Variants in UTRN observed in about 807,000 individuals in gnomAD.
UTRN encodes the protein utrophin, also known as dystrophin-related protein 1.
In UTRN, 283 loss-of-function variants were observed where a neutral mutation model predicts 463.9. The observed-to-expected ratio is 0.61, with a 90% CI of 0.55 to 0.67. UTRN has a LOEUF of 0.67. Ranked by LOEUF, UTRN falls within the 30% of genes least tolerant of loss-of-function variation. The pLI is 0.00. For synonymous variants in UTRN, 1,442 were observed against 1,431.5 expected (o/e 1.01, Z -0.17); for missense variants, 3,922 against 4,084.3 (o/e 0.96, Z 1.08).
chr6:144,695,009 A>T (rs1175899415), intron 52 of UTRN, among the ~76,000 whole-genome samples: 1 of 147,548 alleles, frequency 6.8e-6, no homozygotes. Flanking sequence ...TATCTGATTG[A>T]TACTCTTTAT....
rs1788288996 is a variant in UTRN at position 144,451,414 on chromosome 6, G to C, written c.2117G>C (p.Trp706Ser). The change falls in exon 18 of 75, where the codon TGG becomes TCG. Residue 706 changes from tryptophan to serine, a missense_variant. By Grantham distance (177) the Trp-to-Ser change is radical. Around this residue, in one of 3 missense-constraint regions of UTRN, gnomAD observed 2,349 missense variants for 2,303.8 expected, o/e 1.02. Coordinates refer to ENST00000367545, the MANE Select transcript of UTRN (RefSeq NM_007124.3). Reference sequence around the variant, plus strand: ...GAGCTGTTGAACTGGATTTTGAAATGGAAAACTGCCATTCAGACCACAGAG... The same window carrying C: ...GAGCTGTTGAACTGGATTTTGAAATCGAAAACTGCCATTCAGACCACAGAG... ...SAELLNWILK[W>S]KTAIQTTEIK... The C allele has an allele frequency of 1.2e-6, 2 of 1,613,206 alleles. No individual in the cohort carries two copies. Among genetic ancestry groups the C allele is most frequent in the Non-Finnish European group, 8.5e-7 (1 of 1,179,812 alleles).
At position 144,611,297 on chromosome 6, in the gene UTRN, G is replaced by T. The variant is rs569809267; in HGVS notation, c.7479+34009G>T. On this transcript the variant is annotated intron_variant, in intron 51 of 74. Transcript: ENST00000367545. ...AAAAAGTTGAAAGCTTTTCCTCTAA[G>T]ATCAGGGGCAAGGCAGGGATGCCCA... 3.2e-4 allele frequency among the ~76,000 whole-genome samples: 49 copies of T among 152,282 alleles called. 2 individuals carry two copies. The South Asian group carries it at 9.1e-3, about 28-fold the overall frequency.
intron 51 of UTRN, among the ~76,000 whole-genome samples, 195 bp from the exon 52 acceptor site, chr6:144,678,211 A>G (rs1246932229): frequency 6.6e-6 from 1 of 152,196 alleles, no homozygotes; most frequent in African/African-American, 2.4e-5. Flanking sequence ...GACAATCCTA[A>G]GCAAAAAGAA....
chr6:144,401,816 C>T (rs999287299), intron 2 of UTRN, among the ~76,000 whole-genome samples: 3 of 152,098 alleles, frequency 2.0e-5, no homozygotes, highest in African/African-American at 4.8e-5. Flanking sequence ...AGCAGAGGTT[C>T]GTGAGCAGGT....
chr6:144,293,427 A>G (rs1804421086), intron 2 of UTRN, among the ~76,000 whole-genome samples: 1 of 152,168 alleles, frequency 6.6e-6, no homozygotes, highest in Non-Finnish European at 1.5e-5. Context: ...TTAATTTAAA[A>G]TTATCTTTTA....
chr6:144,778,609 T>C (rs904339659), intron 60 of UTRN, among the ~76,000 whole-genome samples: 2 of 149,492 alleles, frequency 1.3e-5, no homozygotes, highest in Non-Finnish European at 3.0e-5. Context: ...GAAATGCTAA[T>C]AATAATAATA....
intron 53 of UTRN, among the ~76,000 whole-genome samples, chr6:144,701,481 T>C (rs1784589408): frequency 6.6e-6 from 1 of 152,234 alleles, no homozygotes; most frequent in South Asian, 2.1e-4. Context: ...CCAAAAGATA[T>C]GCTGAAATGT....
intron 2 of UTRN, among the ~76,000 whole-genome samples, chr6:144,397,625 C>CT (rs1782559968): frequency 1.3e-5 from 2 of 150,920 alleles, no homozygotes; most frequent in East Asian, 3.9e-4. Context: ...TAAACATGTT[C>CT]TTTTTTGTGA....
chr6:144,400,450 G>A (rs1049399155), intron 2 of UTRN, among the ~76,000 whole-genome samples: 4 of 152,052 alleles, frequency 2.6e-5, no homozygotes, highest in African/African-American at 2.4e-5. Flanking sequence ...CTATTTTTAC[G>A]TGCCCGAGAT....
At position 144,835,983 on chromosome 6, in the gene UTRN, T is replaced by C. The variant is rs774260761; in HGVS notation, c.9824+45T>C. ...AGGAAATATGTCATCCTTTCTTTTG[T>C]ATGAATTTCACTGTAGCCCCCATTT... On this transcript the variant is annotated intron_variant, in intron 70 of 74. Transcript: ENST00000367545. 3.5e-5 allele frequency: 56 copies of C among 1,600,190 alleles called. No individual in the cohort carries two copies. In the South Asian group the frequency reaches 5.8e-4, roughly 17 times the overall value.
intron 36 of UTRN, among the ~76,000 whole-genome samples, chr6:144,514,316 C>T (rs1795426784): frequency 6.6e-6 from 1 of 152,190 alleles, no homozygotes; most frequent in South Asian, 2.1e-4. Context: ...TTGTATTCTC[C>T]ATTGAGTGCT....
chr6:144,521,960 T>A lies in UTRN; in HGVS notation c.5542-20T>A, dbSNP rs1163763022. The A allele has an allele frequency of 4.2e-6, 6 of 1,419,718 alleles. No homozygotes were observed. The highest frequency in any genetic ancestry group is 5.5e-6 in the Non-Finnish European group (6 of 1,084,528). The allele number at this position is 1,419,718 out of a possible 1,614,324, so 87.9% of individuals were successfully genotyped here. ...AGATATATATATATATATATATTTT[T>A]TTTTTTGCTGTTTTTGTAGGCAATC... On this transcript the variant is annotated intron_variant, in intron 39 of 74. Coordinates refer to ENST00000367545, the MANE Select transcript of UTRN (RefSeq NM_007124.3).
At chr6:144,463,814 C>A (rs1024963327) in intron 23 of UTRN, among the ~76,000 whole-genome samples, 1 of 150,832 alleles carries the variant, frequency 6.6e-6, no homozygotes, top group African/African-American at 2.4e-5. Flanking sequence ...ATCTATCTAT[C>A]TATATATATA....
intron 43 of UTRN, 107 bp downstream of exon 43, chr6:144,533,367 A>AATTT: frequency 6.8e-7 from 1 of 1,481,196 alleles, no homozygotes; most frequent in East Asian, 2.4e-5. Flanking sequence ...TTATAATAGG[A>AATTT]ATTTTACTGA....
intron 51 of UTRN, among the ~76,000 whole-genome samples, chr6:144,633,424 G>C (rs934568459): frequency 6.6e-6 from 1 of 151,980 alleles, no homozygotes; most frequent in Non-Finnish European, 1.5e-5. Context: ...AGTAAAGACG[G>C]CGTTTCACCG....
In UTRN at chr6:144,691,493, C is replaced by CTT. The variant is rs35695912; in HGVS notation, c.7653-8587_7653-8586dup. On this transcript the variant is annotated intron_variant, in intron 52 of 74. Coordinates refer to ENST00000367545, the MANE Select transcript of UTRN (RefSeq NM_007124.3). ...TTCTCCAGCTTTTAAACATTTATTC[C>CTT]TTTTTTTTCCTGAATTTTCACATCT... is the stretch of plus-strand genomic sequence containing the variant. Among the ~76,000 whole-genome samples, 7 of 151,952 alleles carry CTT rather than the reference C, an allele frequency of 4.6e-5. No homozygotes were observed. The East Asian group carries it at 5.8e-4, about 13-fold the overall frequency.
chr6:144,401,642 C>T (rs180997409), intron 2 of UTRN, among the ~76,000 whole-genome samples: 45 of 152,050 alleles, frequency 3.0e-4, no homozygotes, highest in Non-Finnish European at 5.3e-4. Context: ...GAGTTGGTCT[C>T]CAATTACCTT....
chr6:144,731,328 A>G (rs184496486), intron 54 of UTRN, among the ~76,000 whole-genome samples: 3 of 152,306 alleles, frequency 2.0e-5, no homozygotes, highest in Admixed American at 2.0e-4. Flanking sequence ...GGTCCAATAT[A>G]TATCTGTATT....
chr6:144,835,972 C>T, intron 70 of UTRN, 34 bp downstream of exon 70: 2 of 1,604,386 alleles, frequency 1.2e-6, no homozygotes, highest in Non-Finnish European at 8.5e-7. Context: ...AATATGTCAT[C>T]CTTTCTTTTG....
Sources: gnomAD v4.1 joint callset for allele counts (sites outside exome capture counted in the v4.1 genomes callset) on GRCh38, gnomAD v4.1.1 for gene constraint, gnomAD v4.1.1 regional missense constraint, MANE v1.5 for transcripts, NCBI Gene and HGNC (gene_info 2026-07-23, HGNC 2026-07-21) for gene names.